The following NFKB1 variants were observed in gnomAD, a reference collection of about 807,000 sequenced individuals.
The protein encoded by NFKB1 is nuclear factor kappa B subunit 1.
In NFKB1, 9 loss-of-function variants were observed where a neutral mutation model predicts 105.1. The observed-to-expected ratio is 0.09, with a 90% CI of 0.05 to 0.15. The LOEUF is 0.15. Among genes scored for constraint, NFKB1 ranks in the 10% least tolerant of loss-of-function variants. The probability of loss-of-function intolerance (pLI) is 1.00; values close to 1 mark genes in which losing one functional copy is unlikely to be tolerated. For synonymous variants in NFKB1, 440 were observed against 442.2 expected, an observed-to-expected ratio of 1.00 and a Z score of 0.06; for missense variants, 830 against 1,203.7, an observed-to-expected ratio of 0.69 and a Z score of 4.59.
chr4:102,579,646 AATAT>A (rs1553934286), intron 8 of NFKB1, among the ~76,000 whole-genome samples: 1 of 124,158 alleles, frequency 8.1e-6, no homozygotes, highest in Non-Finnish European at 1.7e-5. Context: ...CAAAAAAAAA[AATAT>A]ATATATATAT....
Position 102,594,017 on chromosome 4 carries a change from T to G in NFKB1, c.1210+449T>G, listed in dbSNP as rs4648054. The stretch of plus-strand genomic sequence containing the variant: ...TTAACTACTACTATTTTTATGTATA[T>G]GTTATAGTATATATTTGTAAATTTT... On this transcript the variant is annotated intron_variant, in intron 12 of 23. Coordinates refer to ENST00000226574, the MANE Select transcript of NFKB1 (RefSeq NM_003998.4). Among the ~76,000 whole-genome samples the G allele has an allele frequency of 2.7e-3, 415 of 152,324 alleles. 1 individual carries two copies. Among genetic ancestry groups the G allele is most frequent in the African/African-American group, 9.3e-3 (385 of 41,570 alleles).
chr4:102,513,948 C>T lies in NFKB1; in HGVS notation c.-7-11564C>T, dbSNP rs1739943905. On this transcript the variant is annotated intron_variant, in intron 1 of 23. Transcript: ENST00000226574. ...TAGCACTTTGGGAGTCCGAGGCAGGCAAATCATGAGGTCAGGAGATCGAGA... is the reference window on the plus strand; with the variant it reads ...TAGCACTTTGGGAGTCCGAGGCAGGTAAATCATGAGGTCAGGAGATCGAGA... Among the ~76,000 whole-genome samples, 6 of 151,938 alleles carry T rather than the reference C, an allele frequency of 3.9e-5. No homozygotes were observed. The South Asian group carries it at 1.3e-3, about 32-fold the overall frequency.
chr4:102,505,098 G>C (rs1310068513), intron 1 of NFKB1, among the ~76,000 whole-genome samples: 3 of 152,166 alleles, frequency 2.0e-5, no homozygotes, highest in Non-Finnish European at 4.4e-5. Context: ...GGTTGTTCCT[G>C]GGTGCAAATT....
intron 1 of NFKB1, among the ~76,000 whole-genome samples, chr4:102,525,102 A>G (rs1740822004): frequency 3.3e-5 from 5 of 152,150 alleles, no homozygotes; most frequent in Admixed American, 1.3e-4. Context: ...TGGGACCATC[A>G]CAAGGTTTAT....
chr4:102,504,496 T>C (rs1054682072), intron 1 of NFKB1, among the ~76,000 whole-genome samples: 2 of 152,200 alleles, frequency 1.3e-5, no homozygotes, highest in Non-Finnish European at 2.9e-5. Context: ...GGGATTGTTA[T>C]ATTAGAAGAG....
chr4:102,613,035 T>C (rs1728571707), intron 22 of NFKB1, among the ~76,000 whole-genome samples: 1 of 151,902 alleles, frequency 6.6e-6, no homozygotes, highest in African/African-American at 2.4e-5. Flanking sequence ...AAAAATAAAA[T>C]GTAGAAAAGC....
chr4:102,596,054 C>T, intron 13 of NFKB1, 84 bp from the exon 14 acceptor site: 10 of 889,002 alleles, frequency 1.1e-5, no homozygotes, highest in Admixed American at 5.3e-5. Flanking sequence ...TGTCTCTTAC[C>T]TTTATCTGAC....
At position 102,567,130 on chromosome 4, in the gene NFKB1, G is replaced by A. The variant is rs149703243; in HGVS notation, c.402G>A (p.Val134=). ...TAACTGCTGGACCCAAGGACATGGTGGTCGGGTAAGTAGGGGTATATGATG... is the reference window on the plus strand; with the variant it reads ...TAACTGCTGGACCCAAGGACATGGTAGTCGGGTAAGTAGGGGTATATGATG... ...CTVTAGPKDM[V]VGFANLGILH... The change falls in exon 6 of 24, where the codon GTG becomes GTA. Residue 134 remains valine, a synonymous_variant. Transcript: ENST00000226574. 12 of 1,613,414 alleles carry A rather than the reference G, an allele frequency of 7.4e-6. No homozygotes were observed. In the African/African-American group the frequency reaches 1.2e-4, roughly 16 times the overall value.
intron 5 of NFKB1, among the ~76,000 whole-genome samples, chr4:102,560,561 AC>A (rs1437099926): frequency 6.6e-6 from 1 of 152,132 alleles, no homozygotes; most frequent in Non-Finnish European, 1.5e-5. Flanking sequence ...CATGAGTACT[AC>A]CAGGAAAAGA....
chr4:102,517,507 A>G (rs1392813194), intron 1 of NFKB1, among the ~76,000 whole-genome samples: 1 of 152,212 alleles, frequency 6.6e-6, no homozygotes, highest in Non-Finnish European at 1.5e-5. Context: ...ATTTGCCAAT[A>G]CAAAAAAGCA....
chr4:102,584,240 A>G (rs1725539396), intron 10 of NFKB1, among the ~76,000 whole-genome samples: 2 of 152,288 alleles, frequency 1.3e-5, no homozygotes, highest in South Asian at 2.1e-4. Context: ...TATGATGCCA[A>G]TGTAAGCAAT....
At chr4:102,608,295 A>G (rs570367041) in intron 19 of NFKB1, among the ~76,000 whole-genome samples, 6 of 152,308 alleles carry the variant, frequency 3.9e-5, no homozygotes, top group African/African-American at 1.2e-4. Flanking sequence ...TTATGTGCAC[A>G]GTCTCATTTA....
At chr4:102,574,828 C>T (rs1724681439) in intron 6 of NFKB1, among the ~76,000 whole-genome samples, 1 of 152,046 alleles carries the variant, frequency 6.6e-6, no homozygotes, top group African/African-American at 2.4e-5. Context: ...ATTTGTTAAC[C>T]AGAGTAAATC....
At chr4:102,601,048 T>A in intron 16 of NFKB1, 39 bp downstream of exon 16, 1 of 1,266,638 alleles carries the variant, frequency 7.9e-7, no homozygotes. Flanking sequence ...AAGAAAAATC[T>A]GTAGTTTACT....
intron 12 of NFKB1, among the ~76,000 whole-genome samples, chr4:102,594,464 T>C (rs1233417049): frequency 6.6e-6 from 1 of 152,196 alleles, no homozygotes; most frequent in Non-Finnish European, 1.5e-5. Flanking sequence ...CAAAAATGCC[T>C]AAGAATGAAC....
At position 102,595,541 on chromosome 4, in the gene NFKB1, T is replaced by C. The variant is rs565568834; in HGVS notation, c.1300+560T>C. ...CTGTTATCTTCATGACTGCTCTATA[T>C]GGAAAATAGTAACTCCATTTTGCAC... On this transcript the variant is annotated intron_variant, in intron 13 of 23. Coordinates refer to ENST00000226574, the MANE Select transcript of NFKB1 (RefSeq NM_003998.4). Among the ~76,000 whole-genome samples, 3 of 152,358 alleles carry C rather than the reference T, an allele frequency of 2.0e-5. No individual in the cohort carries two copies. In the South Asian group the frequency reaches 6.2e-4, roughly 32 times the overall value.
intron 10 of NFKB1, among the ~76,000 whole-genome samples, chr4:102,583,615 A>G (rs1725482901): frequency 6.6e-6 from 1 of 152,202 alleles, no homozygotes; most frequent in African/African-American, 2.4e-5. Context: ...AACACCTTAA[A>G]AGGGTGTTCT....
rs1222588561 is a variant in NFKB1 at position 102,516,176 on chromosome 4, AT to A, written c.-7-9326del. ...CTTTCTTGTCCTTTGCTATTTTGGG[AT>A]TTTTTTTTTCTCTAGCATTAGTTTT... On this transcript the variant is annotated intron_variant, in intron 1 of 23. Transcript: ENST00000226574. Among the ~76,000 whole-genome samples, 972 of 148,030 alleles carry A rather than the reference AT, an allele frequency of 6.6e-3. 9 individuals are homozygous for A. Among genetic ancestry groups the A allele is most frequent in the African/African-American group, 0.019 (780 of 40,326 alleles).
At position 102,576,970 on chromosome 4, in the gene NFKB1, C is replaced by T. The variant is rs1313338016; in HGVS notation, c.502C>T (p.Pro168Ser). Residue 168 changes from proline to serine, a missense_variant, in exon 7 of 24, where the codon CCT (proline) becomes TCT (serine). This residue lies in a region of NFKB1 where 80 missense variants were observed against 122.6 expected (regional missense o/e 0.65). Transcript: ENST00000226574. Reference sequence around the variant, plus strand: ...AGAGGCGTGTATAAGGGGCTATAATCCTGGACTCTTGGTGCACCCTGACCT... The same window carrying T: ...AGAGGCGTGTATAAGGGGCTATAATTCTGGACTCTTGGTGCACCCTGACCT... Reference protein sequence around the residue: ...MTEACIRGYNPGLLVHPDLAY... With the variant: ...MTEACIRGYNSGLLVHPDLAY... The T allele has an allele frequency of 6.2e-7, 1 of 1,613,708 alleles. No individual in the cohort carries two copies. Among genetic ancestry groups the T allele is most frequent in the Non-Finnish European group, 8.5e-7 (1 of 1,179,946 alleles).
Sources: allele counts gnomAD v4.1 joint callset (sites outside exome capture counted in the v4.1 genomes callset), GRCh38; gene constraint gnomAD v4.1.1; regional missense constraint gnomAD v4.1.1; transcripts MANE v1.5; gene names NCBI Gene and HGNC (gene_info 2026-07-23, HGNC 2026-07-21).